Variants in SI observed in about 807,000 individuals in gnomAD.
SI encodes the protein sucrase-isomaltase, intestinal.
A neutral mutation model predicts 253.3 loss-of-function variants in SI; 235 were observed. The observed-to-expected ratio is 0.93, with a 90% CI of 0.83 to 1.03. The LOEUF is 1.03. SI is among the 50% of genes least tolerant of loss of function. SI has a pLI of 0.00. For missense variants in SI, 2,442 were observed against 2,211.1 expected (o/e 1.10, Z -2.09); for synonymous variants, 819 against 712.0 (o/e 1.15, Z -2.39).
chr3:165,023,288 C>A (rs1170700486), intron 26 of SI, among the ~76,000 whole-genome samples: 1 of 151,392 alleles, frequency 6.6e-6, no homozygotes, highest in Non-Finnish European at 1.5e-5. Context: ...TTTAATGACA[C>A]TATCAGCATA....
rs539127421 is a variant in SI, at chr3:164,996,641, T to C, written c.4586A>G (p.Asp1529Gly). 44 of 1,567,738 alleles carry C rather than the reference T, an allele frequency of 2.8e-5. No individual in the cohort carries two copies. The highest frequency in any genetic ancestry group is 3.9e-5 in the Non-Finnish European group (44 of 1,138,762). Residue 1529 changes from aspartate to glycine, a missense_variant, in exon 40 of 48, where the codon GAC (aspartate) becomes GGC (glycine). By Grantham distance (94) the Asp-to-Gly change is moderately conservative. Coordinates refer to ENST00000264382, the MANE Select transcript of SI (RefSeq NM_001041.4). ...SLFGMSYTGADICGFFNNSEY... is the reference protein window; with the variant it reads ...SLFGMSYTGAGICGFFNNSEY... ...TGAGTTGTTGAAAAAACCACAGATG[T>C]CTGCTCCAGTCTAAAATATATTGTT...
chr3:164,984,072 GC>G (rs1461317608), intron 45 of SI, among the ~76,000 whole-genome samples: 1 of 151,912 alleles, frequency 6.6e-6, no homozygotes, highest in African/African-American at 2.4e-5. Flanking sequence ...TAAATAAATT[GC>G]CAAAAGTAAA....
chr3:164,990,526 A>G (rs1466385209), intron 44 of SI, among the ~76,000 whole-genome samples: 2 of 152,180 alleles, frequency 1.3e-5, no homozygotes, highest in Non-Finnish European at 2.9e-5. Context: ...AGGCAGAGGC[A>G]TTGACAGCCT....
intron 3 of SI, among the ~76,000 whole-genome samples, chr3:165,071,098 A>C (rs1345665420): frequency 6.6e-6 from 1 of 152,068 alleles, no homozygotes. Context: ...ATTTACTACG[A>C]CTACATCTTA....
intron 12 of SI, 75 bp downstream of exon 12, chr3:165,058,888 G>A (rs77624593): frequency 0.013 from 6,062 of 464,146 alleles, no homozygotes; most frequent in Non-Finnish European, 0.017. Context: ...ACACACACAC[G>A]CACATCCACA....
intron 44 of SI, among the ~76,000 whole-genome samples, chr3:164,988,474 T>TA (rs1285846832): frequency 6.6e-6 from 1 of 152,064 alleles, no homozygotes; most frequent in Non-Finnish European, 1.5e-5. Context: ...TTCTCTCTCA[T>TA]AAAAAAATAA....
chr3:165,081,292 A>T (rs1715314005), upstream of SI, among the ~76,000 whole-genome samples: 1 of 152,010 alleles, frequency 6.6e-6, no homozygotes, highest in East Asian at 1.9e-4. Context: ...AAGCAAAATG[A>T]TCCCCAAATT....
At chr3:165,049,474 A>G (rs1713317630) in intron 14 of SI, among the ~76,000 whole-genome samples, 1 of 152,150 alleles carries the variant, frequency 6.6e-6, no homozygotes, top group Admixed American at 6.6e-5. Flanking sequence ...TACATTGGCA[A>G]ATACTCTGTT....
upstream of SI, chr3:165,078,536 T>G (rs981618626): frequency 6.6e-6 from 1 of 151,978 alleles, no homozygotes; most frequent in African/African-American, 2.4e-5. Flanking sequence ...GACCTACTCA[T>G]AAAGTTTTAT....
intron 47 of SI, among the ~76,000 whole-genome samples, chr3:164,980,179 G>A (rs1235806218): frequency 2.0e-5 from 3 of 151,696 alleles, no homozygotes; most frequent in Non-Finnish European, 4.4e-5. Context: ...TTTCATAAGG[G>A]CTTTATAAAA....
chr3:165,019,031 T>C (rs1053106049), intron 28 of SI, among the ~76,000 whole-genome samples: 1 of 151,896 alleles, frequency 6.6e-6, no homozygotes, highest in African/African-American at 2.4e-5. Context: ...ATGATATGTT[T>C]GGAATATTAT....
Position 165,075,917 on chromosome 3 carries a change from T to A in SI, c.96A>T (p.Ala32=). 6.3e-7 allele frequency: 1 copy of A among 1,592,888 alleles called. No individual in the cohort carries two copies. Among genetic ancestry groups the A allele is most frequent in the Non-Finnish European group, 8.6e-7 (1 of 1,161,946 alleles). The change falls in exon 2 of 48, where the codon GCA becomes GCT. Residue 32 remains alanine (A), a synonymous_variant. Coordinates refer to ENST00000264382, the MANE Select transcript of SI (RefSeq NM_001041.4). ...TACCATCAACAGCAGGTGTCTTAGT[T>A]GCTAAAACAACAATTAAGGCAATAG... is the stretch of plus-strand genomic sequence containing the variant. ...IIAIALIVVL[A]TKTPAVDEIS... is the part of the protein sequence containing the mutation.
intron 25 of SI, among the ~76,000 whole-genome samples, chr3:165,027,432 G>T (rs1184783985): frequency 6.6e-6 from 1 of 151,054 alleles, no homozygotes; most frequent in East Asian, 1.9e-4. Context: ...GAGAAAGAGG[G>T]AATCCCCCCT....
intron 40 of SI, among the ~76,000 whole-genome samples, chr3:164,995,886 T>C (rs953154236): frequency 5.3e-5 from 8 of 151,802 alleles, no homozygotes; most frequent in African/African-American, 1.9e-4. Flanking sequence ...TTCGTAAATA[T>C]GAAATAGTAT....
chr3:165,021,244 C>T lies in SI; in HGVS notation c.3239G>A (p.Ser1080Asn), dbSNP rs1428199042. 4 of 1,610,854 alleles carry T rather than the reference C, an allele frequency of 2.5e-6. No individual in the cohort carries two copies. Among genetic ancestry groups the T allele is most frequent in the East Asian group, 2.2e-5 (1 of 44,722 alleles). ...AATTACTTACATGACTCTTCCACTGCTTCTCCGTCGAATCTGGATGCCAAA... is the reference window on the plus strand; with the variant it reads ...AATTACTTACATGACTCTTCCACTGTTTCTCCGTCGAATCTGGATGCCAAA... ...NPFGIQIRRR[S>N]SGRVIWDSWL... Residue 1080 changes from serine (S) to asparagine (N), a missense_variant, in exon 27 of 48, where the codon AGC becomes AAC. Ser to Asn is a conservative substitution (Grantham distance 46). Coordinates refer to ENST00000264382, the MANE Select transcript of SI (RefSeq NM_001041.4).
rs910794117 is a variant in SI at position 165,063,065 on chromosome 3, TA to T, written c.907+376del. Among the ~76,000 whole-genome samples the T allele has an allele frequency of 6.5e-4, 99 of 152,004 alleles. 1 individual carries two copies. The highest frequency in any genetic ancestry group is 2.3e-3 in the African/African-American group (97 of 41,530). The stretch of plus-strand genomic sequence containing the variant: ...CTACATTATATGAGTTATGATAAAC[TA>T]AAAAAAATACTCTTTTTTCTACTTC... On this transcript the variant is annotated intron_variant, in intron 8 of 47. Transcript: ENST00000264382.
At position 165,017,574 on chromosome 3, in the gene SI, C is replaced by A; in HGVS notation, c.3733G>T (p.Ala1245Ser). The A allele has an allele frequency of 6.2e-7, 1 of 1,612,166 alleles. No individual in the cohort carries two copies. Among genetic ancestry groups the A allele is most frequent in the Non-Finnish European group, 8.5e-7 (1 of 1,178,684 alleles). ...TAGGGGATGTTAGCAGCCACCATAG[C>A]GTCATATAATTCCCGAACCTCTGAA... Reference protein sequence around the residue: ...NTSEVRELYDAMVAANIPYDV... With the variant: ...NTSEVRELYDSMVAANIPYDV... The change falls in exon 31 of 48, where the codon GCT (alanine) becomes TCT (serine). Residue 1245 changes from alanine to serine, a missense_variant. Physicochemically the swap from Ala to Ser is moderately conservative, Grantham distance 99. Coordinates refer to ENST00000264382, the MANE Select transcript of SI (RefSeq NM_001041.4).
In SI at chr3:165,032,674, A is replaced by G; in HGVS notation, c.2584T>C (p.Cys862Arg). Residue 862 changes from cysteine to arginine, a missense_variant, in exon 24 of 48, where the codon TGC becomes CGC. By Grantham distance (180) the Cys-to-Arg change is radical (BLOSUM62 -3). Transcript: ENST00000264382. ...SVSNNTLDIV[C>R]THSSYQEGTT... ...CCTTCCTGATATGATGAATGTGTGC[A>G]CACAATATCTAATGTGTTCTGAGAA... 1 of 1,603,044 alleles carries G rather than the reference A, an allele frequency of 6.2e-7. No homozygotes were observed. The highest frequency in any genetic ancestry group is 8.5e-7 in the Non-Finnish European group (1 of 1,171,542).
At chr3:165,070,197 A>G (rs1714471548) in intron 3 of SI, among the ~76,000 whole-genome samples, 1 of 144,880 alleles carries the variant, frequency 6.9e-6, no homozygotes, top group Non-Finnish European at 1.5e-5. Context: ...TATATAAAGT[A>G]TATATTATAT....
Sources: gnomAD v4.1 joint callset for allele counts (sites outside exome capture counted in the v4.1 genomes callset) on GRCh38, gnomAD v4.1.1 for gene constraint, MANE v1.5 for transcripts, NCBI Gene and HGNC (gene_info 2026-07-23, HGNC 2026-07-21) for gene names.